The following TSPAN8 variants were observed in gnomAD, a reference collection of about 807,000 sequenced individuals.
The protein encoded by TSPAN8 is tetraspanin 8, also known as tetraspanin-8.
A neutral mutation model predicts 32.8 loss-of-function variants in TSPAN8; 21 were observed. The ratio of observed to expected loss-of-function variants is 0.64; its 90% CI spans 0.45 to 0.92. The LOEUF is 0.92. TSPAN8 is among the 40% of genes least tolerant of loss of function. The pLI, the probability that TSPAN8 is intolerant of heterozygous loss-of-function variation, is 0.00. For synonymous variants in TSPAN8, 95 were observed against 94.6 expected, an observed-to-expected ratio of 1.00 and a Z score of -0.03; for missense variants, 269 against 281.9, an observed-to-expected ratio of 0.95 and a Z score of 0.33.
intron 7 of TSPAN8, among the ~76,000 whole-genome samples, 164 bp downstream of exon 7, chr12:71,132,529 T>A (rs964329081): frequency 1.3e-5 from 2 of 152,216 alleles, no homozygotes; most frequent in Non-Finnish European, 2.9e-5. Flanking sequence ...GAAGTCTATC[T>A]GCTTTTATCT....
chr12:71,126,971 A>G (rs1871368653), intron 8 of TSPAN8, among the ~76,000 whole-genome samples: 1 of 152,130 alleles, frequency 6.6e-6, no homozygotes, highest in South Asian at 2.1e-4. Flanking sequence ...TTAGGTATAT[A>G]GTCTTAACAT....
chr12:71,128,558 A>G (rs1427335977), intron 8 of TSPAN8, among the ~76,000 whole-genome samples: 1 of 152,010 alleles, frequency 6.6e-6, no homozygotes. Context: ...AAGATCTGGG[A>G]TGATTCCAAA....
Position 71,157,658 on chromosome 12 carries a change from A to G in TSPAN8, c.21T>C (p.Cys7=). 2 of 1,613,746 alleles carry G rather than the reference A, an allele frequency of 1.2e-6. No individual in the cohort carries two copies. Among genetic ancestry groups the G allele is most frequent in the African/African-American group, 1.3e-5 (1 of 75,048 alleles). Residue 7 remains cysteine (C), a synonymous_variant, in exon 2 of 9, where the codon TGT becomes TGC. Coordinates refer to ENST00000247829, the MANE Select transcript of TSPAN8 (RefSeq NM_004616.3). ...TGAAGGTAAACATAGAATATTTTAT[A>G]CAGGCACTCACACCTGCCATTTCGG... MAGVSA[C]IKYSMFTFNF...
intron 7 of TSPAN8, among the ~76,000 whole-genome samples, chr12:71,131,874 A>G (rs1030866092): frequency 4.6e-5 from 7 of 151,998 alleles, no homozygotes; most frequent in East Asian, 2.0e-4. Flanking sequence ...AAGAGATACT[A>G]GTAGACCATT....
At chr12:71,144,105 A>G (rs1871993500) in intron 3 of TSPAN8, 46 bp downstream of exon 3, 1 of 1,535,654 alleles carries the variant, frequency 6.5e-7, no homozygotes. Flanking sequence ...ATTATAAATG[A>G]AATAAACTAC....
intron 4 of TSPAN8, among the ~76,000 whole-genome samples, chr12:71,138,886 A>G (rs1264494161): frequency 2.0e-5 from 3 of 152,166 alleles, no homozygotes; most frequent in Admixed American, 2.0e-4. Context: ...TACTGATATA[A>G]TCCTTACTTT....
intron 6 of TSPAN8, among the ~76,000 whole-genome samples, chr12:71,136,375 A>G (rs1871697885): frequency 6.6e-6 from 1 of 152,234 alleles, no homozygotes; most frequent in Non-Finnish European, 1.5e-5. Flanking sequence ...CCTCTTTAAT[A>G]TTTCATTTGA....
chr12:71,147,445 T>G (rs17109353), intron 2 of TSPAN8, among the ~76,000 whole-genome samples: 4,217 of 152,266 alleles, frequency 0.028, 190 homozygotes, highest in African/African-American at 0.097. Context: ...TTAGGTAAGC[T>G]TAAGAAACTC....
intron 2 of TSPAN8, among the ~76,000 whole-genome samples, chr12:71,147,455 C>G (rs1012249326): frequency 2.0e-5 from 3 of 152,124 alleles, no homozygotes; most frequent in Non-Finnish European, 4.4e-5. Flanking sequence ...TTAAGAAACT[C>G]TTCTTGTGCT....
chr12:71,128,290 T>C (rs116449517), intron 8 of TSPAN8, among the ~76,000 whole-genome samples: 2 of 152,320 alleles, frequency 1.3e-5, no homozygotes, highest in African/African-American at 4.8e-5. Flanking sequence ...GCAAACTAAA[T>C]AACCACTTAG....
intron 8 of TSPAN8, among the ~76,000 whole-genome samples, chr12:71,126,761 C>CT (rs5799020): frequency 3.0e-4 from 44 of 146,754 alleles, no homozygotes; most frequent in African/African-American, 5.8e-4. Context: ...GTGTGTAGCA[C>CT]TTTTTTTTTT....
At chr12:71,150,838 C>T (rs1326843455) in intron 2 of TSPAN8, among the ~76,000 whole-genome samples, 1 of 152,074 alleles carries the variant, frequency 6.6e-6, no homozygotes, top group African/African-American at 2.4e-5. Flanking sequence ...AAACCCCTTT[C>T]ACTTGGCTCC....
chr12:71,126,487 G>T (rs11178639), intron 8 of TSPAN8, among the ~76,000 whole-genome samples: 2 of 151,672 alleles, frequency 1.3e-5, no homozygotes, highest in African/African-American at 2.4e-5. Context: ...AATAGAAGCC[G>T]TCAATTTATC....
chr12:71,138,653 C>T (rs1466033986), intron 4 of TSPAN8, among the ~76,000 whole-genome samples: 2 of 152,164 alleles, frequency 1.3e-5, no homozygotes, highest in East Asian at 1.9e-4. Flanking sequence ...ATATAGATTC[C>T]TGAAATCGGC....
In TSPAN8 at chr12:71,129,419, T is replaced by TAA. The variant is rs143821581; in HGVS notation, c.577-7_577-6dup. 7.8e-5 allele frequency: 108 copies of TAA among 1,383,344 alleles called. No individual in the cohort carries two copies. Among genetic ancestry groups the TAA allele is most frequent in the South Asian group, 3.9e-4 (28 of 72,126 alleles). The allele number at this position is 1,383,344 out of a possible 1,614,324, so 85.7% of individuals were successfully genotyped here. Reference sequence around the variant, plus strand: ...TTTTATGAAAGAAATACAGGTCTGTTAAAAAAAAAAAACATTAAAAGTTAC... The same window carrying TAA: ...TTTTATGAAAGAAATACAGGTCTGTTAAAAAAAAAAAAAACATTAAAAGTTAC... On this transcript the variant is annotated splice_region_variant and splice_polypyrimidine_tract_variant and intron_variant, in intron 7 of 8. Transcript: ENST00000247829.
intron 2 of TSPAN8, among the ~76,000 whole-genome samples, chr12:71,154,657 G>A (rs1040224659): frequency 3.9e-5 from 6 of 152,046 alleles, no homozygotes; most frequent in Non-Finnish European, 8.8e-5. Flanking sequence ...CAGTGCTTTG[G>A]AACATCTTTA....
intron 8 of TSPAN8, among the ~76,000 whole-genome samples, chr12:71,125,999 T>C (rs1242974812): frequency 6.6e-6 from 1 of 152,118 alleles, no homozygotes; most frequent in Non-Finnish European, 1.5e-5. Context: ...CAAGTAGCTC[T>C]CCCAAGAATG....
chr12:71,152,681 C>T (rs1872294344), intron 2 of TSPAN8, among the ~76,000 whole-genome samples: 1 of 152,132 alleles, frequency 6.6e-6, no homozygotes, highest in South Asian at 2.1e-4. Flanking sequence ...TGTTTTAGCT[C>T]CATGCTAATT....
At chr12:71,133,197 C>T (rs992197932) in intron 6 of TSPAN8, among the ~76,000 whole-genome samples, 1 of 152,144 alleles carries the variant, frequency 6.6e-6, no homozygotes, top group Non-Finnish European at 1.5e-5. Flanking sequence ...GATTCTCCTA[C>T]CTCAGCCTCC....
Sources: gnomAD v4.1 joint callset for allele counts (sites outside exome capture counted in the v4.1 genomes callset) on GRCh38, gnomAD v4.1.1 for gene constraint, MANE v1.5 for transcripts, NCBI Gene and HGNC (gene_info 2026-07-23, HGNC 2026-07-21) for gene names.